ZFAT: variants seen among roughly 807,000 people sequenced by gnomAD.
ZFAT encodes zinc finger and AT-hook domain containing, also known as zinc finger protein ZFAT.
A neutral mutation model predicts 117.7 loss-of-function variants in ZFAT; 64 were observed. The observed-to-expected ratio is 0.54, with a 90% confidence interval of 0.44 to 0.67. ZFAT has a LOEUF of 0.67. Among genes scored for constraint, ZFAT ranks in the 30% least tolerant of loss-of-function variants. The pLI is 0.00. For synonymous variants in ZFAT, 679 were observed against 615.0 expected (o/e 1.10, Z -1.54); for missense variants, 1,433 against 1,584.5 (o/e 0.90, Z 1.62).
At chr8:134,709,689 T>C (rs1355251333) in intron 1 of ZFAT, among the ~76,000 whole-genome samples, 1 of 152,238 alleles carries the variant, frequency 6.6e-6, no homozygotes, top group Non-Finnish European at 1.5e-5. Flanking sequence ...GACTTTTTAA[T>C]ATATCTGATT....
At chr8:134,572,634 C>A (rs928691760) in intron 10 of ZFAT, among the ~76,000 whole-genome samples, 3 of 152,208 alleles carry the variant, frequency 2.0e-5, no homozygotes, top group Admixed American at 2.0e-4. Flanking sequence ...CAGGAGTAGT[C>A]GCTTCTTTTC....
At chr8:134,658,557 A>G (rs1425787487) in intron 1 of ZFAT, among the ~76,000 whole-genome samples, 2 of 152,146 alleles carry the variant, frequency 1.3e-5, no homozygotes, top group Non-Finnish European at 1.5e-5. Context: ...AAGCACTCTC[A>G]TTGTTCAAAA....
At chr8:134,615,540 C>G (rs1457657870) in intron 3 of ZFAT, among the ~76,000 whole-genome samples, 1 of 152,108 alleles carries the variant, frequency 6.6e-6, no homozygotes. Context: ...AGGGACCCCA[C>G]TAACAAGCCC....
At chr8:134,732,766 C>T in the ZFAT span, among the ~76,000 whole-genome samples, 1 of 152,112 alleles carries the variant, frequency 6.6e-6, no homozygotes, top group Non-Finnish European at 1.5e-5. Context: ...TAAAGCACAA[C>T]TATAGAGACA....
At chr8:134,660,054 T>C (rs1671517422) in intron 1 of ZFAT, among the ~76,000 whole-genome samples, 1 of 152,264 alleles carries the variant, frequency 6.6e-6, no homozygotes, top group Admixed American at 6.5e-5. Context: ...CCCAAAATGC[T>C]TCCCGAACAA....
chr8:134,507,204 A>G (rs1254554979), intron 15 of ZFAT, among the ~76,000 whole-genome samples: 1 of 152,240 alleles, frequency 6.6e-6, no homozygotes, highest in East Asian at 1.9e-4. Flanking sequence ...GTTTAATTAA[A>G]AGAAAAAGGT....
rs143976540 is a variant in ZFAT at position 134,479,746 on chromosome 8, C to A, written c.3493-1025G>T. Among the ~76,000 whole-genome samples the A allele has an allele frequency of 2.6e-5, 4 of 152,206 alleles. No individual in the cohort carries two copies. In the East Asian group the frequency reaches 7.7e-4, roughly 29 times the overall value. On this transcript the variant is annotated intron_variant, in intron 15 of 15. Coordinates refer to ENST00000377838, the MANE Select transcript of ZFAT (RefSeq NM_020863.4). ...AGCACGTGCTTTGTCCTGCACTGAC[C>A]GGGCTTTGAGCATCAATTCCACCAT...
At chr8:134,699,850 G>A (rs545713965) in intron 1 of ZFAT, among the ~76,000 whole-genome samples, 1 of 152,354 alleles carries the variant, frequency 6.6e-6, no homozygotes, top group East Asian at 1.9e-4. Flanking sequence ...GAGTGCTAGA[G>A]CTTCATGCTG....
chr8:134,491,108 A>G (rs986439491), intron 15 of ZFAT, among the ~76,000 whole-genome samples: 2 of 152,272 alleles, frequency 1.3e-5, no homozygotes, highest in African/African-American at 4.8e-5. Flanking sequence ...GGATAAAAAT[A>G]AACAATAACA....
chr8:134,736,834 C>T, the ZFAT span, among the ~76,000 whole-genome samples: 1 of 152,140 alleles, frequency 6.6e-6, no homozygotes, highest in Non-Finnish European at 1.5e-5. Flanking sequence ...AATTCTCCCA[C>T]GTCAGCCTCC....
At chr8:134,638,297 G>A (rs995416623) in intron 2 of ZFAT, among the ~76,000 whole-genome samples, 1 of 152,104 alleles carries the variant, frequency 6.6e-6, no homozygotes, top group Non-Finnish European at 1.5e-5. Flanking sequence ...GATTTTCAAT[G>A]GCATGATCAC....
chr8:134,743,284 T>C, the ZFAT span, among the ~76,000 whole-genome samples: 1 of 151,634 alleles, frequency 6.6e-6, no homozygotes, highest in South Asian at 2.1e-4. Context: ...AGGTCAGGAG[T>C]TCAAGACCAG....
chr8:134,748,421 C>A, the ZFAT span, among the ~76,000 whole-genome samples: 4 of 152,142 alleles, frequency 2.6e-5, no homozygotes, highest in East Asian at 7.7e-4. Context: ...ATTTCATATT[C>A]ATCACATTGT....
chr8:134,667,991 C>T (rs1453498416), intron 1 of ZFAT, among the ~76,000 whole-genome samples: 2 of 152,142 alleles, frequency 1.3e-5, no homozygotes, highest in Non-Finnish European at 2.9e-5. Flanking sequence ...GTCCCATGCC[C>T]ACAGAGCCTC....
At chr8:134,533,856 T>C (rs1186119935) in intron 11 of ZFAT, among the ~76,000 whole-genome samples, 2 of 152,220 alleles carry the variant, frequency 1.3e-5, no homozygotes, top group Non-Finnish European at 2.9e-5. Flanking sequence ...GGTCGACGGA[T>C]GGGCATCTCC....
At chr8:134,479,875 A>G (rs1817170310) in intron 15 of ZFAT, among the ~76,000 whole-genome samples, 1 of 152,148 alleles carries the variant, frequency 6.6e-6, no homozygotes, top group Admixed American at 6.5e-5. Context: ...TTCGTGGGAG[A>G]ATGGAAGGAG....
chr8:134,499,268 G>C (rs1440243189), intron 15 of ZFAT, among the ~76,000 whole-genome samples: 9 of 116,014 alleles, frequency 7.8e-5, no homozygotes, highest in Admixed American at 1.7e-4. Flanking sequence ...GTAGGGTCGG[G>C]GTGGAGCTGG....
intron 1 of ZFAT, among the ~76,000 whole-genome samples, chr8:134,702,690 GAGAC>G (rs1405245878): frequency 1.2e-4 from 13 of 105,418 alleles, no homozygotes; most frequent in African/African-American, 3.9e-4. Context: ...TTTTTTTTTT[GAGAC>G]AGAGTCTCAC....
At chr8:134,712,717 CCGCGGCCGGCGGCCGG>C in intron 1 of ZFAT, 112 bp downstream of exon 1, 1 of 836,184 alleles carries the variant, frequency 1.2e-6, no homozygotes, top group Non-Finnish European at 1.7e-6. Flanking sequence ...CCGGATCCCT[CCGCGGCCGGCGGCCGG>C]CGGCCGGCGG....
Sources: gnomAD v4.1 joint callset for allele counts (sites outside exome capture counted in the v4.1 genomes callset) on GRCh38, gnomAD v4.1.1 for gene constraint, MANE v1.5 for transcripts, NCBI Gene and HGNC (gene_info 2026-07-23, HGNC 2026-07-21) for gene names.